MAP4: variants seen among roughly 807,000 people sequenced by gnomAD.
MAP4 encodes the protein microtubule-associated protein 4.
Under a neutral mutation model 170.2 loss-of-function variants are expected in MAP4, and 76 were observed. The ratio of observed to expected loss-of-function variants is 0.45; its 90% confidence interval spans 0.37 to 0.54. The LOEUF is 0.54. Among genes scored for constraint, MAP4 ranks in the 20% least tolerant of loss-of-function variants. MAP4 has a pLI of 0.00. For synonymous variants in MAP4, 909 were observed against 994.5 expected (o/e 0.91, Z 1.62); for missense variants, 2,506 against 2,748.0 (o/e 0.91, Z 1.97).
At position 47,871,904 on chromosome 3, in the gene MAP4, A is replaced by G; in HGVS notation, c.5941+13T>C. The G allele has an allele frequency of 6.3e-7, 1 of 1,599,732 alleles. No individual in the cohort carries two copies. Among genetic ancestry groups the G allele is most frequent in the Non-Finnish European group, 8.5e-7 (1 of 1,169,812 alleles). ...CCTCCCTAGTTCCCATGGGAGAGAA[A>G]GGCAATACTCACCAGTGGGCTTCTT... is the stretch of plus-strand genomic sequence containing the variant. On this transcript the variant is annotated intron_variant, in intron 13 of 20. Transcript: ENST00000683076.
intron 17 of MAP4, among the ~76,000 whole-genome samples, chr3:47,866,986 G>A (rs956586921): frequency 6.6e-6 from 1 of 152,122 alleles, no homozygotes; most frequent in Non-Finnish European, 1.5e-5. Flanking sequence ...TGACATAGCT[G>A]GAGAAAAATC....
chr3:48,055,901 G>A (rs1215277947), intron 1 of MAP4, among the ~76,000 whole-genome samples: 19 of 55,378 alleles, frequency 3.4e-4, no homozygotes, highest in East Asian at 6.4e-4. Context: ...CCGAGACCCC[G>A]TCTGGGAGGT....
chr3:48,034,387 C>G (rs952961183), intron 1 of MAP4, among the ~76,000 whole-genome samples: 6 of 152,076 alleles, frequency 3.9e-5, no homozygotes, highest in African/African-American at 1.4e-4. Context: ...GAAAAAACAG[C>G]TCACACATTG....
chr3:48,013,020 T>C (rs2100106089), intron 1 of MAP4, among the ~76,000 whole-genome samples: 1 of 152,122 alleles, frequency 6.6e-6, no homozygotes, highest in South Asian at 2.1e-4. Context: ...AAAGCGATTA[T>C]CCAATTTTAT....
intron 10 of MAP4, chr3:47,891,075 TG>T (rs2100023663): frequency 6.5e-7 from 1 of 1,532,460 alleles, no homozygotes; most frequent in Non-Finnish European, 8.7e-7. Flanking sequence ...TGGGTTGCAG[TG>T]ACCTCAATTT....
Position 47,888,186 on chromosome 3 carries a change from C to A in MAP4, c.5435-10663G>T, listed in dbSNP as rs532391305. Among the ~76,000 whole-genome samples, 23 of 152,284 alleles carry A rather than the reference C, an allele frequency of 1.5e-4. No homozygotes were observed. The South Asian group carries it at 4.8e-3, about 32-fold the overall frequency. On this transcript the variant is annotated intron_variant, in intron 10 of 20. Coordinates refer to ENST00000683076, the MANE Select transcript of MAP4 (RefSeq NM_001385682.1). Reference sequence around the variant, plus strand: ...GGGATTGTAAACGCACCAATCAGTGCCCTGACAAAACAGGCCACTCGGCTC... The same window carrying A: ...GGGATTGTAAACGCACCAATCAGTGACCTGACAAAACAGGCCACTCGGCTC...
chr3:48,072,355 C>T (rs1423579189), intron 1 of MAP4, among the ~76,000 whole-genome samples: 2 of 151,750 alleles, frequency 1.3e-5, no homozygotes, highest in African/African-American at 4.8e-5. Context: ...ACAAAAATTA[C>T]CTGGGTGTGG....
chr3:47,919,604 G>A (rs1314277837), intron 5 of MAP4, among the ~76,000 whole-genome samples: 7 of 152,140 alleles, frequency 4.6e-5, no homozygotes, highest in East Asian at 3.9e-4. Context: ...CACCGCGCCC[G>A]GCCGACAACG....
At chr3:47,994,406 A>T (rs1277544786) in intron 2 of MAP4, among the ~76,000 whole-genome samples, 1 of 152,182 alleles carries the variant, frequency 6.6e-6, no homozygotes, top group African/African-American at 2.4e-5. Context: ...TGCTCTTCCC[A>T]TCCTAATATT....
chr3:48,057,570 A>T (rs1248765502), intron 1 of MAP4, among the ~76,000 whole-genome samples: 2 of 137,440 alleles, frequency 1.5e-5, no homozygotes, highest in African/African-American at 2.6e-5. Flanking sequence ...GACCCTGCCA[A>T]ATCCCCCTCT....
At chr3:47,860,100 T>A (rs1297413839) in intron 17 of MAP4, among the ~76,000 whole-genome samples, 1 of 152,198 alleles carries the variant, frequency 6.6e-6, no homozygotes, top group Non-Finnish European at 1.5e-5. Flanking sequence ...ACATGGGTCT[T>A]CAAGCAATGG....
At chr3:48,038,085 T>A (rs919804716) in intron 1 of MAP4, among the ~76,000 whole-genome samples, 18 of 151,222 alleles carry the variant, frequency 1.2e-4, no homozygotes, top group African/African-American at 3.9e-4. Context: ...AGAGAATCGC[T>A]TCAACCCAGC....
intron 10 of MAP4, among the ~76,000 whole-genome samples, chr3:47,890,775 A>C (rs1042361616): frequency 6.6e-6 from 1 of 152,172 alleles, no homozygotes; most frequent in African/African-American, 2.4e-5. Context: ...ATTCCACCCC[A>C]AACTTGCACA....
chr3:48,017,378 TTTC>T (rs1402002534), upstream of MAP4, among the ~76,000 whole-genome samples: 1 of 152,192 alleles, frequency 6.6e-6, no homozygotes, highest in Admixed American at 6.5e-5. Flanking sequence ...CTACCTATCT[TTTC>T]TTCTGCAAGG....
chr3:47,882,735 C>T (rs2096956121), intron 10 of MAP4, among the ~76,000 whole-genome samples: 1 of 152,064 alleles, frequency 6.6e-6, no homozygotes, highest in African/African-American at 2.4e-5. Context: ...CCGCCACACC[C>T]AGCTATGTTT....
chr3:47,875,579 C>G, intron 12 of MAP4, 106 bp downstream of exon 12: 1 of 1,095,696 alleles, frequency 9.1e-7, no homozygotes, highest in Non-Finnish European at 1.3e-6. Context: ...TGCCTTTTCC[C>G]AATTCCACCA....
At chr3:48,072,431 G>C (rs1361232331) in intron 1 of MAP4, among the ~76,000 whole-genome samples, 6 of 152,128 alleles carry the variant, frequency 3.9e-5, no homozygotes, top group African/African-American at 1.4e-4. Flanking sequence ...AACCCAGGAA[G>C]CAGAGGCTGC....
intron 10 of MAP4, among the ~76,000 whole-genome samples, chr3:47,898,558 T>G (rs1010808396): frequency 6.7e-6 from 1 of 149,566 alleles, no homozygotes; most frequent in Non-Finnish European, 1.5e-5. Context: ...AGATATTAAA[T>G]GGAAGAATAA....
At chr3:47,952,144 C>A (rs908101269) in intron 3 of MAP4, among the ~76,000 whole-genome samples, 3 of 151,142 alleles carry the variant, frequency 2.0e-5, no homozygotes, top group Admixed American at 2.0e-4. Flanking sequence ...TGAGGAGCCC[C>A]TCCGCCCGGC....
Sources: allele counts gnomAD v4.1 joint callset (sites outside exome capture counted in the v4.1 genomes callset), GRCh38; gene constraint gnomAD v4.1.1; transcripts MANE v1.5; gene names NCBI Gene and HGNC (gene_info 2026-07-23, HGNC 2026-07-21).